Variants in ZNF385B observed in about 807,000 individuals in gnomAD.
The protein encoded by ZNF385B is zinc finger protein 533.
Under a neutral mutation model 39.2 loss-of-function variants are expected in ZNF385B, and 23 were observed. That is an observed-to-expected ratio of 0.59 (90% CI 0.42 to 0.83). ZNF385B has a LOEUF of 0.83. ZNF385B is among the 40% of genes least tolerant of loss of function. The probability of loss-of-function intolerance (pLI) is 0.00; values close to 1 mark genes in which losing one functional copy is unlikely to be tolerated. For missense variants in ZNF385B, 552 were observed against 598.9 expected (o/e 0.92, Z 0.82); for synonymous variants, 205 against 222.6 (o/e 0.92, Z 0.70).
chr2:179,741,628 C>G (rs912355993), intron 3 of ZNF385B, among the ~76,000 whole-genome samples: 1 of 151,974 alleles, frequency 6.6e-6, no homozygotes, highest in Admixed American at 6.6e-5. Flanking sequence ...AACAGCTGAG[C>G]ATGTGCACAA....
At chr2:179,837,244 T>A (rs1362688093) in intron 1 of ZNF385B, among the ~76,000 whole-genome samples, 1 of 152,212 alleles carries the variant, frequency 6.6e-6, no homozygotes, top group African/African-American at 2.4e-5. Flanking sequence ...AAGTAAACTA[T>A]GTGGAATATA....
At chr2:179,500,963 T>C (rs2056702729) in intron 5 of ZNF385B, among the ~76,000 whole-genome samples, 1 of 152,112 alleles carries the variant, frequency 6.6e-6, no homozygotes, top group African/African-American at 2.4e-5. Context: ...AAAGAAGACT[T>C]ACAAATGGCA....
At chr2:179,538,390 TACA>T (rs1465679894) in intron 4 of ZNF385B, among the ~76,000 whole-genome samples, 1 of 152,148 alleles carries the variant, frequency 6.6e-6, no homozygotes, top group Non-Finnish European at 1.5e-5. Context: ...TAGGTTTCCT[TACA>T]ACAACACTTC....
chr2:179,599,876 A>G (rs1439866948), intron 3 of ZNF385B, among the ~76,000 whole-genome samples: 2 of 152,212 alleles, frequency 1.3e-5, no homozygotes, highest in African/African-American at 2.4e-5. Context: ...AATTTCTTCT[A>G]TGGTGAGGCG....
At chr2:179,700,695 C>G (rs7557247) in intron 3 of ZNF385B, among the ~76,000 whole-genome samples, 8 of 151,908 alleles carry the variant, frequency 5.3e-5, no homozygotes, top group Admixed American at 4.6e-4. Flanking sequence ...CAGAGTAAAT[C>G]ATGAGTGCCA....
At chr2:179,694,050 T>C (rs936476363) in intron 3 of ZNF385B, among the ~76,000 whole-genome samples, 4 of 152,214 alleles carry the variant, frequency 2.6e-5, no homozygotes, top group South Asian at 2.1e-4. Flanking sequence ...TATCTTCAAA[T>C]ATAGAACTTT....
At chr2:179,483,219 G>A in intron 6 of ZNF385B, 53 bp downstream of exon 6, 1 of 1,600,526 alleles carries the variant, frequency 6.2e-7, no homozygotes, top group Non-Finnish European at 8.6e-7. Context: ...CGGGGTCAGG[G>A]CAGGGGAACA....
At chr2:179,565,751 A>C (rs1559489105) in intron 3 of ZNF385B, among the ~76,000 whole-genome samples, 1 of 152,214 alleles carries the variant, frequency 6.6e-6, no homozygotes. Context: ...CTCGATTTTC[A>C]AGTGACATTT....
chr2:179,524,811 C>T (rs2058780274), intron 4 of ZNF385B, among the ~76,000 whole-genome samples: 1 of 152,154 alleles, frequency 6.6e-6, no homozygotes, highest in African/African-American at 2.4e-5. Context: ...TCTGTCTCCT[C>T]TTCCCCCACC....
intron 3 of ZNF385B, among the ~76,000 whole-genome samples, chr2:179,651,874 A>C (rs145107671): frequency 7.2e-4 from 109 of 152,308 alleles, no homozygotes; most frequent in African/African-American, 2.6e-3. Context: ...CTCCTAACGG[A>C]AAATGGCTAA....
At chr2:179,476,255 G>A (rs376063284) in intron 6 of ZNF385B, among the ~76,000 whole-genome samples, 7 of 152,182 alleles carry the variant, frequency 4.6e-5, no homozygotes, top group African/African-American at 1.7e-4. Context: ...TACATTTACA[G>A]AATTATTCAA....
chr2:179,745,751 T>C (rs2106459589), intron 3 of ZNF385B: 1 of 1,540,886 alleles, frequency 6.5e-7, no homozygotes, highest in East Asian at 2.5e-5. Context: ...GGCAGGGCTC[T>C]CACCAGCTTC....
intron 1 of ZNF385B, among the ~76,000 whole-genome samples, chr2:179,846,626 G>T (rs1269940673): frequency 6.6e-6 from 1 of 152,178 alleles, no homozygotes; most frequent in East Asian, 1.9e-4. Flanking sequence ...TGAACCCAGA[G>T]GGCCCCCCAG....
chr2:179,460,213 T>G (rs541150309), intron 6 of ZNF385B, among the ~76,000 whole-genome samples: 2 of 152,060 alleles, frequency 1.3e-5, no homozygotes, highest in Non-Finnish European at 2.9e-5. Flanking sequence ...CAGGCCTATC[T>G]GAAGAGGTGA....
intron 5 of ZNF385B, among the ~76,000 whole-genome samples, chr2:179,484,055 C>T (rs2054300905): frequency 6.6e-6 from 1 of 152,108 alleles, no homozygotes; most frequent in African/African-American, 2.4e-5. Flanking sequence ...TTTCTGATCT[C>T]AGATGTGATT....
At chr2:179,558,138 A>C (rs1293052718) in intron 3 of ZNF385B, among the ~76,000 whole-genome samples, 2 of 152,102 alleles carry the variant, frequency 1.3e-5, no homozygotes, top group Non-Finnish European at 2.9e-5. Context: ...ATGGCAACTG[A>C]CCTTCTATTT....
At chr2:179,793,092 T>C (rs1705444932) in intron 1 of ZNF385B, among the ~76,000 whole-genome samples, 1 of 152,184 alleles carries the variant, frequency 6.6e-6, no homozygotes. Flanking sequence ...ATAATCCCCC[T>C]TCATAGCCTT....
chr2:179,755,353 T>C (rs978035306), intron 3 of ZNF385B, among the ~76,000 whole-genome samples: 3 of 152,338 alleles, frequency 2.0e-5, no homozygotes, highest in South Asian at 4.1e-4. Flanking sequence ...TACTTCCAAC[T>C]ATGTGGTCAA....
intron 6 of ZNF385B, among the ~76,000 whole-genome samples, chr2:179,459,949 C>G (rs1344618618): frequency 6.6e-6 from 1 of 151,520 alleles, no homozygotes; most frequent in Non-Finnish European, 1.5e-5. Context: ...ACTAAAAATA[C>G]AAAAATTAGC....
Sources: allele counts gnomAD v4.1 joint callset (sites outside exome capture counted in the v4.1 genomes callset), GRCh38; gene constraint gnomAD v4.1.1; transcripts MANE v1.5; gene names NCBI Gene and HGNC (gene_info 2026-07-23, HGNC 2026-07-21).